CDC42BPA: variants seen among roughly 807,000 people sequenced by gnomAD.
CDC42BPA encodes CDC42 binding protein kinase alpha.
A neutral mutation model predicts 223.5 loss-of-function variants in CDC42BPA; 80 were observed. The ratio of observed to expected loss-of-function variants is 0.36; its 90% CI spans 0.30 to 0.43. The LOEUF (loss-of-function observed/expected upper bound fraction) is 0.43. CDC42BPA is among the 20% of genes least tolerant of loss of function. The probability of loss-of-function intolerance (pLI) is 1.00; values close to 1 mark genes in which losing one functional copy is unlikely to be tolerated. For missense variants in CDC42BPA, 1,743 were observed against 2,099.9 expected (o/e 0.83, Z 3.32); for synonymous variants, 694 against 718.6 (o/e 0.97, Z 0.55).
Position 226,993,392 on chromosome 1 carries a change from G to A in CDC42BPA, c.*876C>T, listed in dbSNP as rs1660986045. The A allele has an allele frequency of 6.6e-6, 1 of 152,216 alleles. No individual in the cohort carries two copies. Among genetic ancestry groups the A allele is most frequent in the Admixed American group, 6.5e-5 (1 of 15,288 alleles). The allele number at this position is 152,216 out of a possible 1,614,324, so 9.4% of individuals were successfully genotyped here. A position where few individuals can be genotyped will look rare whatever the true frequency, so the allele number is the denominator to read the frequency against. On this transcript the variant is annotated 3_prime_UTR_variant, in exon 37 of 37. Coordinates refer to ENST00000366766, the MANE Select transcript of CDC42BPA (RefSeq NM_001394014.1). ...TTGGGTAGAGATGAGTTCGCCTTTT[G>A]CTGCTGCTGCTGAAGTGGCTTCAAA... is the stretch of plus-strand genomic sequence containing the variant.
At chr1:227,059,697 T>C (rs1474151720) in intron 21 of CDC42BPA, among the ~76,000 whole-genome samples, 1 of 152,186 alleles carries the variant, frequency 6.6e-6, no homozygotes, top group South Asian at 2.1e-4. Flanking sequence ...TCTGGAAAGG[T>C]TGGCAGTAGC....
chr1:227,133,689 T>C (rs1414886309), intron 10 of CDC42BPA, among the ~76,000 whole-genome samples: 1 of 152,102 alleles, frequency 6.6e-6, no homozygotes, highest in African/African-American at 2.4e-5. Context: ...CTCTGAAACA[T>C]GTGCTGTGTC....
At chr1:227,148,237 T>C (rs1391573865) in intron 6 of CDC42BPA, among the ~76,000 whole-genome samples, 2 of 152,054 alleles carry the variant, frequency 1.3e-5, no homozygotes, top group Non-Finnish European at 2.9e-5. Flanking sequence ...GGAGAATCAC[T>C]TGGGCCCAGG....
At chr1:227,220,285 TATATA>T (rs1675605801) in intron 2 of CDC42BPA, among the ~76,000 whole-genome samples, 1 of 57,594 alleles carries the variant, frequency 1.7e-5, no homozygotes, top group African/African-American at 6.5e-5. Context: ...AGTCATGTTA[TATATA>T]TATATATATA....
At chr1:227,045,591 T>C (rs901821828) in intron 23 of CDC42BPA, among the ~76,000 whole-genome samples, 3 of 152,198 alleles carry the variant, frequency 2.0e-5, no homozygotes, top group Non-Finnish European at 4.4e-5. Context: ...GAACTTCTAC[T>C]TGTTGGATAT....
rs571947007 is a variant in CDC42BPA, at chr1:227,318,159, G to T, written c.-977C>A. 4.1e-3 allele frequency: 680 copies of T among 165,240 alleles called. 8 individuals carry two copies. The highest frequency in any genetic ancestry group is 0.015 in the African/African-American group (632 of 41,696). 10.2% of individuals were successfully genotyped at this position (165,240 alleles called of 1,614,324 possible). ...AGGCTCCCGACGCCCCAGGCGGGGG[G>T]GTGCTTCTCTGAATTCAAAGGACAC... On this transcript the variant is annotated 5_prime_UTR_variant, in exon 1 of 37. Transcript: ENST00000366766.
At chr1:227,044,454 C>T (rs7523435) in intron 23 of CDC42BPA, among the ~76,000 whole-genome samples, 1 of 152,178 alleles carries the variant, frequency 6.6e-6, no homozygotes, top group Non-Finnish European at 1.5e-5. Flanking sequence ...CAAATTAATA[C>T]ATACACATGG....
At chr1:227,052,429 A>AC (rs1572501439) in intron 21 of CDC42BPA, among the ~76,000 whole-genome samples, 1 of 152,104 alleles carries the variant, frequency 6.6e-6, no homozygotes, top group East Asian at 1.9e-4. Context: ...AGTAAAAAAA[A>AC]CCTAACCTAT....
chr1:227,257,892 C>CG (rs1553421453), intron 1 of CDC42BPA, among the ~76,000 whole-genome samples: 1 of 150,748 alleles, frequency 6.6e-6, no homozygotes, highest in Non-Finnish European at 1.5e-5. Context: ...AAAATGGGGC[C>CG]GGGTGTGGTG....
At position 227,036,591 on chromosome 1, in the gene CDC42BPA, G is replaced by A. The variant is rs931140899; in HGVS notation, c.3200-984C>T. Among the ~76,000 whole-genome samples, 16 of 152,084 alleles carry A rather than the reference G, an allele frequency of 1.1e-4. No homozygotes were observed. In the East Asian group the frequency reaches 1.4e-3, roughly 13 times the overall value. On this transcript the variant is annotated intron_variant, in intron 24 of 36. Coordinates refer to ENST00000366766, the MANE Select transcript of CDC42BPA (RefSeq NM_001394014.1). ...ACTACAGGCGCCCGCCACCTTGCCC[G>A]GCTAATTTTCTGTATTTTTAGTAGA...
intron 20 of CDC42BPA, among the ~76,000 whole-genome samples, chr1:227,071,739 A>C: frequency 8.8e-6 from 1 of 114,098 alleles, no homozygotes; most frequent in African/African-American, 3.4e-5. Flanking sequence ...ATTTTTATAC[A>C]TTCTAGGCAC....
chr1:227,081,076 A>G, intron 16 of CDC42BPA, 59 bp from the exon 17 acceptor site: 4 of 1,570,472 alleles, frequency 2.5e-6, no homozygotes, highest in Non-Finnish European at 3.5e-6. Flanking sequence ...AGGTGTTCAG[A>G]CAGGTATTGT....
intron 2 of CDC42BPA, among the ~76,000 whole-genome samples, chr1:227,214,405 G>A (rs1674471715): frequency 6.6e-6 from 1 of 152,132 alleles, no homozygotes; most frequent in South Asian, 2.1e-4. Flanking sequence ...AAATGGATGA[G>A]AAAGAAAAGG....
chr1:227,292,963 T>C (rs1055298742), intron 1 of CDC42BPA, among the ~76,000 whole-genome samples: 4 of 152,186 alleles, frequency 2.6e-5, no homozygotes, highest in Non-Finnish European at 5.9e-5. Context: ...TTTTACTATA[T>C]TCCCCCCAAA....
intron 2 of CDC42BPA, among the ~76,000 whole-genome samples, chr1:227,223,840 C>T (rs1676364288): frequency 2.6e-5 from 4 of 152,168 alleles, no homozygotes. Flanking sequence ...TCAGTTGCAG[C>T]GAGCCACAGC....
intron 20 of CDC42BPA, among the ~76,000 whole-genome samples, chr1:227,070,643 A>C (rs895878788): frequency 6.6e-6 from 1 of 151,868 alleles, no homozygotes; most frequent in African/African-American, 2.4e-5. Context: ...TCAAATATTG[A>C]GAGTGTGCCA....
chr1:227,112,413 G>A lies in CDC42BPA; in HGVS notation c.1900C>T (p.His634Tyr), dbSNP rs1239662964. 6.3e-7 allele frequency: 1 copy of A among 1,594,800 alleles called. No homozygotes were observed. The highest frequency in any genetic ancestry group is 8.5e-7 in the Non-Finnish European group (1 of 1,170,362). The change falls in exon 14 of 37, where the codon CAT becomes TAT. Residue 634 changes from histidine to tyrosine, a missense_variant. His to Tyr is a moderately conservative substitution (Grantham distance 83, BLOSUM62 2). Around this residue, in one of 6 missense-constraint regions of CDC42BPA, gnomAD observed 464 missense variants for 488.0 expected, o/e 0.95. Coordinates refer to ENST00000366766, the MANE Select transcript of CDC42BPA (RefSeq NM_001394014.1). ...GCTTCAGCAGCTAGAGCTTCTGTAT[G>A]AACTTCCAGCTTTAAAACAGAATGA... ...TERAKKELEV[H>Y]TEALAAEASK...
chr1:227,166,512 T>TC (rs912607926), intron 5 of CDC42BPA, among the ~76,000 whole-genome samples: 1 of 152,180 alleles, frequency 6.6e-6, no homozygotes, highest in African/African-American at 2.4e-5. Flanking sequence ...CTTTATCACC[T>TC]CGAGCAAAAG....
intron 1 of CDC42BPA, among the ~76,000 whole-genome samples, chr1:227,274,726 A>G (rs934382511): frequency 6.6e-6 from 1 of 152,186 alleles, no homozygotes; most frequent in Non-Finnish European, 1.5e-5. Flanking sequence ...AAAAGTATGG[A>G]CAAAGATAAA....
Sources: gnomAD v4.1 joint callset for allele counts (sites outside exome capture counted in the v4.1 genomes callset) on GRCh38, gnomAD v4.1.1 for gene constraint, gnomAD v4.1.1 regional missense constraint, MANE v1.5 for transcripts, NCBI Gene and HGNC (gene_info 2026-07-23, HGNC 2026-07-21) for gene names.